The following TSHZ3 variants were observed in gnomAD, a reference collection of about 807,000 sequenced individuals.
TSHZ3 encodes the protein teashirt zinc finger homeobox 3.
A neutral mutation model predicts 64.5 loss-of-function variants in TSHZ3; 10 were observed. The ratio of observed to expected loss-of-function variants is 0.16; its 90% CI spans 0.10 to 0.26. TSHZ3 has a LOEUF of 0.26. Ranked by LOEUF, TSHZ3 falls within the 10% of genes least tolerant of loss-of-function variation. The pLI, the probability that TSHZ3 is intolerant of heterozygous loss-of-function variation, is 1.00. For synonymous variants in TSHZ3, 608 were observed against 593.1 expected (o/e 1.03, Z -0.36); for missense variants, 1,242 against 1,421.7 (o/e 0.87, Z 2.03).
At chr19:31,300,907 G>A (rs1010145892) in intron 1 of TSHZ3, among the ~76,000 whole-genome samples, 1 of 152,086 alleles carries the variant, frequency 6.6e-6, no homozygotes, top group Non-Finnish European at 1.5e-5. Flanking sequence ...ACAATACCGT[G>A]CGCCTGAGGA....
chr19:31,169,391 A>C (rs188642209), intron 5 of TSHZ3, among the ~76,000 whole-genome samples: 1 of 152,344 alleles, frequency 6.6e-6, no homozygotes, highest in East Asian at 1.9e-4. Context: ...TAGATGAATA[A>C]ATGAATAAAT....
intron 4 of TSHZ3, among the ~76,000 whole-genome samples, chr19:31,216,475 CAG>C (rs1385492667): frequency 2.7e-5 from 4 of 147,298 alleles, no homozygotes; most frequent in African/African-American, 1.0e-4. Flanking sequence ...TTTTTTGAGA[CAG>C]AGTCTCCGTC....
intron 1 of TSHZ3, among the ~76,000 whole-genome samples, chr19:31,290,952 T>C (rs1425691086): frequency 1.3e-5 from 2 of 152,250 alleles, no homozygotes; most frequent in Non-Finnish European, 2.9e-5. Context: ...ATGTGTGAGA[T>C]GAATGCTTGT....
chr19:31,196,624 T>C (rs1283121439), intron 5 of TSHZ3, among the ~76,000 whole-genome samples: 1 of 151,928 alleles, frequency 6.6e-6, no homozygotes, highest in Non-Finnish European at 1.5e-5. Context: ...AGTAAATGGA[T>C]GGAGAAAGAC....
chr19:31,184,604 G>T (rs761106645), intron 5 of TSHZ3, among the ~76,000 whole-genome samples: 1 of 152,172 alleles, frequency 6.6e-6, no homozygotes, highest in Non-Finnish European at 1.5e-5. Context: ...ATAGGGGAAA[G>T]ATTAAGTTCT....
chr19:31,338,710 AGG>A (rs1029473051), intron 1 of TSHZ3, among the ~76,000 whole-genome samples: 5 of 151,780 alleles, frequency 3.3e-5, no homozygotes, highest in Admixed American at 3.3e-4. Context: ...GAAGAAAAAG[AGG>A]GAGAGAGAAA....
chr19:31,238,566 A>G (rs114699096), intron 3 of TSHZ3, among the ~76,000 whole-genome samples: 2,284 of 152,220 alleles, frequency 0.015, 58 homozygotes, highest in African/African-American at 0.049. Flanking sequence ...ATGAATTTTG[A>G]TGCCCTATGA....
chr19:31,297,794 C>A (rs1365659110), intron 1 of TSHZ3, among the ~76,000 whole-genome samples: 1 of 152,146 alleles, frequency 6.6e-6, no homozygotes, highest in Non-Finnish European at 1.5e-5. Context: ...GCTCTAGAAA[C>A]ACACAGGCTT....
At chr19:31,330,537 T>G (rs190318458) in intron 1 of TSHZ3, among the ~76,000 whole-genome samples, 108 of 152,270 alleles carry the variant, frequency 7.1e-4, no homozygotes, top group Non-Finnish European at 1.8e-4. Flanking sequence ...CGCCCCAATG[T>G]CACTCTCTAG....
intron 5 of TSHZ3, among the ~76,000 whole-genome samples, chr19:31,159,736 A>G (rs764202172): frequency 1.2e-4 from 18 of 151,924 alleles, no homozygotes; most frequent in Non-Finnish European, 2.1e-4. Flanking sequence ...TCTGTCACCC[A>G]GGCTGGAGTG....
chr19:31,250,052 G>A lies in TSHZ3; in HGVS notation n.64-7177C>T, dbSNP rs568708611. Among the ~76,000 whole-genome samples the A allele has an allele frequency of 1.4e-3, 210 of 152,308 alleles. 1 individual carries two copies. Among genetic ancestry groups the A allele is most frequent in the African/African-American group, 4.6e-3 (193 of 41,564 alleles). ...GTGCAAGAGCTCCCAGGCTGCACGCGCCAGGCACACAGCACATGCCCGGGA... is the reference window on the plus strand; with the variant it reads ...GTGCAAGAGCTCCCAGGCTGCACGCACCAGGCACACAGCACATGCCCGGGA... On this transcript the variant is annotated intron_variant and non_coding_transcript_variant, in intron 1 of 6. Coordinates refer to the TSHZ3 transcript ENST00000651361.
chr19:31,319,902 C>T (rs1465376650), intron 1 of TSHZ3, among the ~76,000 whole-genome samples: 3 of 151,254 alleles, frequency 2.0e-5, no homozygotes, highest in Non-Finnish European at 2.9e-5. Context: ...AAGTAGCAAT[C>T]GGCCCTTCCT....
chr19:31,174,845 G>A (rs1349241020), intron 5 of TSHZ3, among the ~76,000 whole-genome samples: 3 of 152,202 alleles, frequency 2.0e-5, no homozygotes, highest in Non-Finnish European at 2.9e-5. Context: ...GAGAGATTGG[G>A]AAGAAAGTAG....
In TSHZ3 at chr19:31,276,007, C is replaced by T. The variant is rs1047520210; in HGVS notation, c.*540G>A. The T allele has an allele frequency of 4.6e-5, 7 of 152,542 alleles. No individual in the cohort carries two copies. Among genetic ancestry groups the T allele is most frequent in the East Asian group, 1.9e-4 (1 of 5,174 alleles). 9.4% of individuals were successfully genotyped at this position (152,542 alleles called of 1,614,324 possible). On this transcript the variant is annotated 3_prime_UTR_variant, in exon 2 of 2. Transcript: ENST00000240587. The stretch of plus-strand genomic sequence containing the variant: ...AATAATATTCTTTTAAATTTCAAGG[C>T]GTGTTATACCCCTGCAGACCTGCAT...
intron 6 of TSHZ3, among the ~76,000 whole-genome samples, chr19:31,155,864 C>T (rs1974300128): frequency 6.6e-6 from 1 of 152,232 alleles, no homozygotes; most frequent in Admixed American, 6.5e-5. Context: ...GGGCCTTCCC[C>T]AACTTCCTGG....
intron 6 of TSHZ3, among the ~76,000 whole-genome samples, chr19:31,152,142 G>T (rs575295003): frequency 4.6e-5 from 7 of 151,354 alleles, no homozygotes; most frequent in African/African-American, 1.7e-4. Flanking sequence ...AAAAGAAAAA[G>T]AAAAGAAAAA....
intron 5 of TSHZ3, among the ~76,000 whole-genome samples, chr19:31,195,152 G>A (rs1387181437): frequency 1.3e-5 from 2 of 152,024 alleles, no homozygotes; most frequent in Non-Finnish European, 2.9e-5. Context: ...AGAGAAAAGA[G>A]GAGAAAGGTA....
chr19:31,187,135 A>G (rs921614747), intron 5 of TSHZ3, among the ~76,000 whole-genome samples: 1 of 152,132 alleles, frequency 6.6e-6, no homozygotes, highest in Non-Finnish European at 1.5e-5. Flanking sequence ...TGTCACCCCA[A>G]ATGACTCTAA....
chr19:31,298,747 T>C (rs1406195970), intron 1 of TSHZ3, among the ~76,000 whole-genome samples: 6 of 151,656 alleles, frequency 4.0e-5, no homozygotes, highest in Admixed American at 3.9e-4. Flanking sequence ...AGACAGAGAA[T>C]AGGGGATGAG....
Sources: allele counts gnomAD v4.1 joint callset (sites outside exome capture counted in the v4.1 genomes callset), GRCh38; gene constraint gnomAD v4.1.1; transcripts MANE v1.5; gene names NCBI Gene and HGNC (gene_info 2026-07-23, HGNC 2026-07-21).